Variants in PCLO observed in about 807,000 individuals in gnomAD.
PCLO encodes the protein protein piccolo.
Under a neutral mutation model 427.5 loss-of-function variants are expected in PCLO, and 82 were observed. The observed-to-expected ratio is 0.19, with a 90% confidence interval of 0.16 to 0.23. PCLO has a LOEUF of 0.23. Among genes scored for constraint, PCLO ranks in the 10% least tolerant of loss-of-function variants. The pLI is 1.00. For missense variants in PCLO, 6,239 were observed against 6,115.9 expected, an observed-to-expected ratio of 1.02 and a Z score of -0.67; for synonymous variants, 2,357 against 2,155.4, an observed-to-expected ratio of 1.09 and a Z score of -2.59.
chr7:83,032,552 G>A (rs750704627), intron 3 of PCLO, among the ~76,000 whole-genome samples: 4 of 146,030 alleles, frequency 2.7e-5, no homozygotes, highest in South Asian at 4.4e-4. Flanking sequence ...GTATTCTCTT[G>A]CTATCTTTTT....
intron 14 of PCLO, 36 bp downstream of exon 14, chr7:82,841,423 G>C (rs369825995): frequency 4.2e-5 from 57 of 1,346,962 alleles, no homozygotes; most frequent in Non-Finnish European, 5.9e-5. Flanking sequence ...AACCAAAAAA[G>C]GTTATATAAT....
chr7:82,880,134 G>C (rs1793469153), intron 9 of PCLO, among the ~76,000 whole-genome samples: 1 of 152,046 alleles, frequency 6.6e-6, no homozygotes, highest in Non-Finnish European at 1.5e-5. Context: ...ATAAATATAA[G>C]TGTTTATATT....
intron 3 of PCLO, among the ~76,000 whole-genome samples, chr7:83,010,205 A>G (rs1583903368): frequency 6.6e-6 from 1 of 151,978 alleles, no homozygotes; most frequent in Admixed American, 6.6e-5. Flanking sequence ...TACTTCAAGC[A>G]GCACATCCTT....
chr7:83,066,166 C>A (rs1355051357), intron 3 of PCLO, among the ~76,000 whole-genome samples: 1 of 152,104 alleles, frequency 6.6e-6, no homozygotes, highest in Non-Finnish European at 1.5e-5. Flanking sequence ...CAATGACTTC[C>A]AGCTCTACAG....
intron 10 of PCLO, among the ~76,000 whole-genome samples, chr7:82,875,298 T>C (rs140814568): frequency 1.5e-3 from 226 of 152,220 alleles, no homozygotes; most frequent in African/African-American, 5.3e-3. Flanking sequence ...ATGGCACACA[T>C]ACCATTAGGA....
intron 2 of PCLO, among the ~76,000 whole-genome samples, chr7:83,146,916 T>C (rs1792009665): frequency 6.6e-6 from 1 of 152,088 alleles, no homozygotes; most frequent in South Asian, 2.1e-4. Context: ...TAAATGATCT[T>C]AACGGTGGGT....
intron 22 of PCLO, among the ~76,000 whole-genome samples, chr7:82,799,050 G>T (rs981119355): frequency 7.2e-5 from 11 of 152,108 alleles, no homozygotes; most frequent in African/African-American, 2.2e-4. Flanking sequence ...TATGAAAGAA[G>T]AAAGCAGTAT....
Position 82,952,566 on chromosome 7 carries a change from G to T in PCLO, c.8387C>A (p.Thr2796Asn), listed in dbSNP as rs767091251. The change falls in exon 5 of 25, where the codon ACC becomes AAC. Residue 2796 changes from threonine (T) to asparagine (N), a missense_variant. Physicochemically the swap from Thr to Asn is moderately conservative, Grantham distance 65. Around this residue, in one of 5 missense-constraint regions of PCLO, gnomAD observed 4,677 missense variants for 4,468.4 expected, o/e 1.05. Coordinates refer to ENST00000333891, the MANE Select transcript of PCLO (RefSeq NM_033026.6). Reference protein sequence around the residue: ...TPVSLATETVTFVTCTASASY... With the variant: ...TPVSLATETVNFVTCTASASY... ...TGCACTAGCTGTGCATGTGACAAAG[G>T]TCACTGTCTCAGTGGCCAGAGATAC... is the stretch of plus-strand genomic sequence containing the variant. 1 of 1,613,930 alleles carries T rather than the reference G, an allele frequency of 6.2e-7. No homozygotes were observed. The highest frequency in any genetic ancestry group is 8.5e-7 in the Non-Finnish European group (1 of 1,179,856).
intron 9 of PCLO, among the ~76,000 whole-genome samples, chr7:82,884,036 T>C (rs1793572571): frequency 6.6e-6 from 1 of 152,222 alleles, no homozygotes; most frequent in Admixed American, 6.5e-5. Context: ...CCCAAAGTTC[T>C]GGAATTACAG....
chr7:83,162,883 C>G lies in PCLO; in HGVS notation c.-291G>C. 2.2e-6 allele frequency: 1 copy of G among 450,540 alleles called. No homozygotes were observed. The highest frequency in any genetic ancestry group is 4.2e-5 in the East Asian group (1 of 24,006). 27.9% of individuals were successfully genotyped at this position (450,540 alleles called of 1,614,324 possible). ...CGCCCCGAGCCGGGGAGAAGCAGAT[C>G]TGAGCGGTGCCAGCCGGGCGCCGTC... On this transcript the variant is annotated 5_prime_UTR_variant, in exon 1 of 25. Coordinates refer to ENST00000333891, the MANE Select transcript of PCLO (RefSeq NM_033026.6).
chr7:82,931,758 A>C (rs556927369), intron 6 of PCLO, among the ~76,000 whole-genome samples: 1 of 152,098 alleles, frequency 6.6e-6, no homozygotes, highest in Non-Finnish European at 1.5e-5. Flanking sequence ...TTGTAACCTA[A>C]TTTTGGAATT....
chr7:82,810,793 C>T (rs1477132242), intron 20 of PCLO, among the ~76,000 whole-genome samples: 1 of 151,658 alleles, frequency 6.6e-6, no homozygotes, highest in Non-Finnish European at 1.5e-5. Flanking sequence ...GGCTTTTCTT[C>T]CCTCTACCAC....
At chr7:83,024,299 C>CA (rs1377286866) in intron 3 of PCLO, among the ~76,000 whole-genome samples, 3 of 152,186 alleles carry the variant, frequency 2.0e-5, no homozygotes, top group Non-Finnish European at 4.4e-5. Context: ...TCGGGAAGCG[C>CA]AAGGGGTCAC....
chr7:82,844,694 T>C (rs914355835), intron 13 of PCLO, among the ~76,000 whole-genome samples: 1 of 152,132 alleles, frequency 6.6e-6, no homozygotes, highest in Non-Finnish European at 1.5e-5. Flanking sequence ...TTTTATAAGG[T>C]TAAAAAATAA....
At position 82,949,651 on chromosome 7, in the gene PCLO, G is replaced by T; in HGVS notation, c.10937C>A (p.Pro3646His). The change falls in exon 6 of 25, where the codon CCC becomes CAC. Residue 3646 changes from proline to histidine, a missense_variant. Pro to His is a moderately conservative substitution (Grantham distance 77, BLOSUM62 -2). Around this residue, in one of 5 missense-constraint regions of PCLO, gnomAD observed 4,677 missense variants for 4,468.4 expected, o/e 1.05. Coordinates refer to ENST00000333891, the MANE Select transcript of PCLO (RefSeq NM_033026.6). ...LESAFVPYEK[P>H]LPDDISPQKV... ...CTGTGGACTTATATCATCAGGGAGG[G>T]GTTTTTCATAAGGTACAAAGGCTGA... is the stretch of plus-strand genomic sequence containing the variant. 1 of 1,613,790 alleles carries T rather than the reference G, an allele frequency of 6.2e-7. No homozygotes were observed. Among genetic ancestry groups the T allele is most frequent in the Non-Finnish European group, 8.5e-7 (1 of 1,179,828 alleles).
At chr7:82,775,708 A>G (rs1790735409) in intron 22 of PCLO, among the ~76,000 whole-genome samples, 1 of 152,138 alleles carries the variant, frequency 6.6e-6, no homozygotes, top group Admixed American at 6.5e-5. Flanking sequence ...CAGATCAGAA[A>G]TGTTGTAATT....
chr7:82,826,863 G>T (rs1791958751), intron 17 of PCLO, among the ~76,000 whole-genome samples: 1 of 151,906 alleles, frequency 6.6e-6, no homozygotes, highest in Non-Finnish European at 1.5e-5. Flanking sequence ...ACTAGTGTTT[G>T]ATCATGGGGA....
intron 3 of PCLO, among the ~76,000 whole-genome samples, chr7:83,095,751 A>G (rs544147627): frequency 1.3e-5 from 2 of 152,114 alleles, no homozygotes; most frequent in East Asian, 3.9e-4. Flanking sequence ...TCTTTCTATT[A>G]CTAATTGCTA....
chr7:82,780,889 T>A (rs1790858755), intron 22 of PCLO, among the ~76,000 whole-genome samples: 1 of 152,174 alleles, frequency 6.6e-6, no homozygotes, highest in Non-Finnish European at 1.5e-5. Context: ...ATATTCAGAT[T>A]GGTTGTTGTA....
Sources: allele counts gnomAD v4.1 joint callset (sites outside exome capture counted in the v4.1 genomes callset), GRCh38; gene constraint gnomAD v4.1.1; regional missense constraint gnomAD v4.1.1; transcripts MANE v1.5; gene names NCBI Gene and HGNC (gene_info 2026-07-23, HGNC 2026-07-21).